Variants in ATRNL1 observed in about 807,000 individuals in gnomAD.
ATRNL1 encodes the protein attractin like 1.
A neutral mutation model predicts 182.7 loss-of-function variants in ATRNL1; 95 were observed. That is an observed-to-expected ratio of 0.52 (90% CI 0.44 to 0.62). ATRNL1 has a LOEUF of 0.62. ATRNL1 is among the 20% of genes least tolerant of loss of function. The probability of loss-of-function intolerance (pLI) is 0.00; values close to 1 mark genes in which losing one functional copy is unlikely to be tolerated. For missense variants in ATRNL1, 1,471 were observed against 1,679.5 expected, an observed-to-expected ratio of 0.88 and a Z score of 2.17; for synonymous variants, 576 against 568.3, an observed-to-expected ratio of 1.01 and a Z score of -0.19.
chr10:115,615,855 C>G (rs1238566779), intron 26 of ATRNL1, among the ~76,000 whole-genome samples: 1 of 152,142 alleles, frequency 6.6e-6, no homozygotes, highest in Non-Finnish European at 1.5e-5. Flanking sequence ...TTATAAATTA[C>G]CCAGTCACAG....
intron 26 of ATRNL1, among the ~76,000 whole-genome samples, chr10:115,621,286 G>T (rs1237516349): frequency 0.017 from 1,740 of 99,498 alleles, 7 homozygotes; most frequent in Non-Finnish European, 0.021. Context: ...TAGAGAGAGA[G>T]AGAGAGAGAG....
chr10:115,557,796 C>A (rs782077186), intron 26 of ATRNL1, among the ~76,000 whole-genome samples: 3 of 152,042 alleles, frequency 2.0e-5, no homozygotes, highest in Non-Finnish European at 4.4e-5. Flanking sequence ...CCTGTAATCC[C>A]GACACTTTGA....
At chr10:115,822,324 G>A (rs528937736) in intron 27 of ATRNL1, among the ~76,000 whole-genome samples, 1 of 152,258 alleles carries the variant, frequency 6.6e-6, no homozygotes, top group African/African-American at 2.4e-5. Flanking sequence ...ACAGGAGAAA[G>A]CAGGAAAGAT....
chr10:115,494,802 T>A (rs1203415018), intron 24 of ATRNL1, among the ~76,000 whole-genome samples: 1 of 152,212 alleles, frequency 6.6e-6, no homozygotes, highest in Non-Finnish European at 1.5e-5. Context: ...TGAAGTTTCC[T>A]TTTTTCATTG....
intron 26 of ATRNL1, among the ~76,000 whole-genome samples, chr10:115,581,263 A>C (rs1361764647): frequency 6.6e-6 from 1 of 151,958 alleles, no homozygotes; most frequent in Non-Finnish European, 1.5e-5. Flanking sequence ...GTGATCCCCA[A>C]TTAGTATGTG....
intron 17 of ATRNL1, among the ~76,000 whole-genome samples, chr10:115,305,171 A>C (rs2133987219): frequency 6.6e-6 from 1 of 151,952 alleles, no homozygotes; most frequent in Middle Eastern, 3.4e-3. Flanking sequence ...CCACTGCATA[A>C]GGCAATGCAC....
chr10:115,159,961 C>T, intron 5 of ATRNL1, 79 bp from the exon 6 acceptor site: 1 of 1,051,486 alleles, frequency 9.5e-7, no homozygotes. Context: ...TTCTTAAATT[C>T]TCTTAATCCA....
At chr10:115,455,874 A>G (rs1204822548) in intron 21 of ATRNL1, among the ~76,000 whole-genome samples, 5 of 152,200 alleles carry the variant, frequency 3.3e-5, no homozygotes, top group African/African-American at 1.2e-4. Context: ...GCCAACAAAA[A>G]TATGAAAAAA....
chr10:115,536,113 G>A (rs1202136110), intron 25 of ATRNL1, among the ~76,000 whole-genome samples: 1 of 152,246 alleles, frequency 6.6e-6, no homozygotes, highest in South Asian at 2.1e-4. Flanking sequence ...CCAGCTGCGT[G>A]CTGGGAGAAC....
chr10:115,938,902 GT>G, intron 28 of ATRNL1, among the ~76,000 whole-genome samples: 1 of 152,254 alleles, frequency 6.6e-6, no homozygotes, highest in East Asian at 1.9e-4. Flanking sequence ...CAAAGTTTCA[GT>G]TAGACTGGAG....
intron 25 of ATRNL1, among the ~76,000 whole-genome samples, chr10:115,528,145 A>G (rs1204780178): frequency 6.6e-6 from 1 of 151,420 alleles, no homozygotes; most frequent in Admixed American, 6.6e-5. Flanking sequence ...TGCTGGTCTC[A>G]TAGAATGATT....
chr10:115,399,643 T>TTG (rs1372825290), intron 20 of ATRNL1, among the ~76,000 whole-genome samples: 9 of 151,730 alleles, frequency 5.9e-5, no homozygotes, highest in East Asian at 1.9e-4. Flanking sequence ...TTTTTATCTT[T>TTG]TGTGTGTGTG....
intron 26 of ATRNL1, among the ~76,000 whole-genome samples, chr10:115,673,233 G>A (rs782261381): frequency 6.6e-5 from 10 of 152,046 alleles, no homozygotes; most frequent in Admixed American, 3.3e-4. Flanking sequence ...TGATATAATG[G>A]CTCTCCTTTA....
At chr10:115,285,856 A>G (rs562064359) in intron 14 of ATRNL1, among the ~76,000 whole-genome samples, 8 of 152,126 alleles carry the variant, frequency 5.3e-5, no homozygotes, top group African/African-American at 1.4e-4. Context: ...TTGTTTTTCT[A>G]TTAAAGTAAT....
chr10:115,103,394 G>A (rs1843864183), intron 1 of ATRNL1, among the ~76,000 whole-genome samples: 1 of 151,954 alleles, frequency 6.6e-6, no homozygotes, highest in Non-Finnish European at 1.5e-5. Flanking sequence ...ATTGTAGTTG[G>A]TAGTATTTCT....
intron 5 of ATRNL1, among the ~76,000 whole-genome samples, chr10:115,130,067 T>C (rs1228444757): frequency 5.3e-5 from 8 of 152,132 alleles, no homozygotes; most frequent in African/African-American, 1.7e-4. Flanking sequence ...TCTAAGTAAT[T>C]TTTATAAATA....
chr10:115,890,637 T>G (rs1190088234), intron 28 of ATRNL1, among the ~76,000 whole-genome samples: 1 of 152,178 alleles, frequency 6.6e-6, no homozygotes, highest in Non-Finnish European at 1.5e-5. Context: ...CTTTAATAGC[T>G]TGTGTTATGA....
At chr10:115,538,368 A>G (rs940011416) in intron 25 of ATRNL1, among the ~76,000 whole-genome samples, 1 of 152,194 alleles carries the variant, frequency 6.6e-6, no homozygotes, top group Non-Finnish European at 1.5e-5. Flanking sequence ...GGTCCTGTCA[A>G]CATTTTTTAT....
At chr10:115,230,911 G>GAGAGAGAGAGAGAGAGAGAGAGAGAGAA (rs1849911770) in intron 9 of ATRNL1, among the ~76,000 whole-genome samples, 1 of 112,026 alleles carries the variant, frequency 8.9e-6, no homozygotes, top group Non-Finnish European at 2.0e-5. Flanking sequence ...GAGAGAGAGA[G>GAGAGAGAGAGAGAGAGAGAGAGAGAGAA]AGAGAGAGAG....
Sources: allele counts gnomAD v4.1 joint callset (sites outside exome capture counted in the v4.1 genomes callset), GRCh38; gene constraint gnomAD v4.1.1; transcripts MANE v1.5; gene names NCBI Gene and HGNC (gene_info 2026-07-23, HGNC 2026-07-21).